The following SYNE1 variants were observed in gnomAD, a reference collection of about 807,000 sequenced individuals.
The protein encoded by SYNE1 is nesprin-1.
In SYNE1, 616 loss-of-function variants were observed where a neutral mutation model predicts 1,111.0. The observed-to-expected ratio is 0.55, with a 90% CI of 0.52 to 0.59. The LOEUF is 0.59. SYNE1 is among the 20% of genes least tolerant of loss of function. The probability of loss-of-function intolerance (pLI) is 0.00; values close to 1 mark genes in which losing one functional copy is unlikely to be tolerated. For missense variants in SYNE1, 10,006 were observed against 10,417.0 expected (o/e 0.96, Z 1.72); for synonymous variants, 3,855 against 3,825.8 (o/e 1.01, Z -0.28).
Position 152,278,225 on chromosome 6 carries a change from T to C in SYNE1, c.18437A>G (p.His6146Arg). Reference sequence around the variant, plus strand: ...GCCCTCCAGCAGCAGGTTCTCATTGTGGACTGACAGTTCTGATAAAGCCAC... The same window carrying C: ...GCCCTCCAGCAGCAGGTTCTCATTGCGGACTGACAGTTCTGATAAAGCCAC... ...KVVALSELSV[H>R]NENLLLEGKA... The change falls in exon 98 of 146, where the codon CAC becomes CGC. Residue 6146 changes from histidine to arginine, a missense_variant. By Grantham distance (29) the His-to-Arg change is conservative. Around this residue, in one of 7 missense-constraint regions of SYNE1, gnomAD observed 99 missense variants for 147.8 expected, o/e 0.67. Coordinates refer to ENST00000367255, the MANE Select transcript of SYNE1 (RefSeq NM_182961.4). 6.2e-7 allele frequency: 1 copy of C among 1,614,220 alleles called. No homozygotes were observed. Among genetic ancestry groups the C allele is most frequent in the Non-Finnish European group, 8.5e-7 (1 of 1,180,048 alleles).
chr6:152,133,332 C>A lies in SYNE1; in HGVS notation c.25945G>T (p.Val8649Phe), dbSNP rs768945531. ...GNRLKLLLKE[V>F]SRHIKELEKL... ...TCCAGTTCCTTGATATGACGACTGA[C>A]CTCCTTCAAGAGAAGTTTGAGCCGA... Residue 8649 changes from valine (V) to phenylalanine (F), a missense_variant, in exon 143 of 146, where the codon GTC (valine) becomes TTC (phenylalanine). Val to Phe is a conservative substitution (Grantham distance 50, BLOSUM62 -1). This residue lies in a region of SYNE1 where 761 missense variants were observed against 795.5 expected (regional missense o/e 0.96). Transcript: ENST00000367255. 1.2e-6 allele frequency: 2 copies of A among 1,614,198 alleles called. No individual in the cohort carries two copies. The highest frequency in any genetic ancestry group is 1.7e-5 in the Admixed American group (1 of 60,030).
intron 63 of SYNE1, 126 bp downstream of exon 63, chr6:152,364,721 G>GAAGGAAGT: frequency 9.2e-7 from 1 of 1,092,030 alleles, no homozygotes; most frequent in African/African-American, 1.6e-5. Flanking sequence ...AGGAAGGAAG[G>GAAGGAAGT]AAGGAAGGGA....
chr6:152,305,953 G>A (rs1401116538), intron 91 of SYNE1, among the ~76,000 whole-genome samples: 1 of 152,204 alleles, frequency 6.6e-6, no homozygotes, highest in Non-Finnish European at 1.5e-5. Flanking sequence ...TGCTGACTGA[G>A]CTGAGTTCAC....
intron 8 of SYNE1, among the ~76,000 whole-genome samples, chr6:152,507,127 G>C (rs960402671): frequency 1.3e-5 from 2 of 152,130 alleles, no homozygotes; most frequent in African/African-American, 4.8e-5. Context: ...CATGCAGGTT[G>C]AACAGTATGT....
At chr6:152,524,671 G>T (rs1234201381) in intron 5 of SYNE1, among the ~76,000 whole-genome samples, 1 of 152,226 alleles carries the variant, frequency 6.6e-6, no homozygotes, top group Admixed American at 6.5e-5. Flanking sequence ...AGCTTACTAG[G>T]GAGGTGATCC....
At chr6:152,251,763 A>T (rs1465291453) in intron 104 of SYNE1, among the ~76,000 whole-genome samples, 1 of 152,216 alleles carries the variant, frequency 6.6e-6, no homozygotes, top group African/African-American at 2.4e-5. Context: ...CGTCTCAAAA[A>T]AAATAAAAAT....
chr6:152,202,433 C>T (rs2075693802), intron 126 of SYNE1, among the ~76,000 whole-genome samples: 1 of 150,756 alleles, frequency 6.6e-6, no homozygotes, highest in Non-Finnish European at 1.5e-5. Context: ...ACACTCATTG[C>T]CAGGGGAGGC....
At chr6:152,560,443 G>A (rs540058578) in intron 3 of SYNE1, among the ~76,000 whole-genome samples, 428 of 152,030 alleles carry the variant, frequency 2.8e-3, no homozygotes, top group African/African-American at 9.4e-3. Flanking sequence ...GAAGTAGTAA[G>A]AAAAAATCTT....
intron 8 of SYNE1, 120 bp from the exon 9 acceptor site, chr6:152,505,517 C>T (rs931184580): frequency 1.3e-5 from 14 of 1,119,144 alleles, no homozygotes; most frequent in East Asian, 7.7e-5. Flanking sequence ...TGTATCAGTT[C>T]ATTGTATTTG....
chr6:152,180,249 C>A lies in SYNE1; in HGVS notation c.23347G>T (p.Ala7783Ser), dbSNP rs778312439. The A allele has an allele frequency of 1.2e-6, 2 of 1,613,974 alleles. No individual in the cohort carries two copies. The highest frequency in any genetic ancestry group is 1.1e-5 in the South Asian group (1 of 91,086). Residue 7783 changes from alanine to serine, a missense_variant, in exon 129 of 146, where the codon GCA becomes TCA. By Grantham distance (99) the Ala-to-Ser change is moderately conservative (BLOSUM62 1). Transcript: ENST00000367255. ...TCCTTGTTCTTTTCACTGAAGACTG[C>A]CCATTCATTCAATCTTTCACCTATT... ...QQIGERLNEW[A>S]VFSEKNKELC...
chr6:152,172,299 T>C (rs1305582190), intron 130 of SYNE1, among the ~76,000 whole-genome samples: 1 of 152,206 alleles, frequency 6.6e-6, no homozygotes, highest in Non-Finnish European at 1.5e-5. Context: ...CTAAAATCAC[T>C]GAATTACATG....
intron 74 of SYNE1, among the ~76,000 whole-genome samples, chr6:152,341,645 T>C (rs1047126173): frequency 6.6e-6 from 1 of 152,190 alleles, no homozygotes; most frequent in African/African-American, 2.4e-5. Context: ...CTTGGTACCA[T>C]GCCCATTGTA....
At position 152,207,987 on chromosome 6, in the gene SYNE1, G is replaced by A. The variant is rs34630198; in HGVS notation, c.22809C>T (p.Leu7603=). ...TGCATCTTACCTGCACTTCATCAAA[G>A]AGGGTCCTTGCTTGTTGCAGTGGTA... ...VPIPLQQART[L]FDEVQFKEKV... Residue 7603 remains leucine (L), a synonymous_variant, in exon 125 of 146, where the codon CTC becomes CTT. Transcript: ENST00000367255. 0.017 allele frequency: 26,724 copies of A among 1,614,156 alleles called. 301 individuals are homozygous for A. The highest frequency in any genetic ancestry group is 0.02 in the Non-Finnish European group (23,368 of 1,179,998).
At chr6:152,128,072 G>A (rs987384082) in intron 145 of SYNE1, 1 of 152,144 alleles carries the variant, frequency 6.6e-6, no homozygotes, top group Non-Finnish European at 1.5e-5. Flanking sequence ...TTATTCCTTT[G>A]CCTTGCTGGA....
intron 130 of SYNE1, among the ~76,000 whole-genome samples, chr6:152,169,336 G>A (rs894461621): frequency 6.6e-5 from 10 of 151,938 alleles, no homozygotes; most frequent in African/African-American, 2.4e-4. Context: ...GCTGAGGTTG[G>A]TGGATCACAA....
intron 3 of SYNE1, among the ~76,000 whole-genome samples, chr6:152,622,952 G>C (rs1431541049): frequency 6.6e-6 from 1 of 152,038 alleles, no homozygotes; most frequent in Non-Finnish European, 1.5e-5. Flanking sequence ...TTTCTAGTAA[G>C]AGCCATTCTG....
Position 152,458,838 on chromosome 6 carries a change from G to A in SYNE1, c.2487C>T (p.Asp829=), listed in dbSNP as rs753367709. 8.7e-6 allele frequency: 14 copies of A among 1,613,924 alleles called. No homozygotes were observed. The Admixed American group carries it at 2.3e-4, about 27-fold the overall frequency. ...TAATTTCATTGATTTTCCCAAGTGA[G>A]TCATAAAAGGACGTCATCTGCTTTT... The part of the protein sequence containing the change: ...ELEKQMTSFY[D]SLGKINEIIT... The change falls in exon 22 of 146, where the codon GAC becomes GAT. Residue 829 remains aspartate, a synonymous_variant. Coordinates refer to ENST00000367255, the MANE Select transcript of SYNE1 (RefSeq NM_182961.4).
At chr6:152,246,487 C>T (rs943040411) in intron 105 of SYNE1, among the ~76,000 whole-genome samples, 1 of 151,918 alleles carries the variant, frequency 6.6e-6, no homozygotes, top group Non-Finnish European at 1.5e-5. Flanking sequence ...AATGCCAATT[C>T]AGTACAAGAG....
chr6:152,353,245 T>G lies in SYNE1; in HGVS notation c.11253+18A>C, dbSNP rs754786661. The G allele has an allele frequency of 6.2e-7, 1 of 1,614,118 alleles. No homozygotes were observed. Among genetic ancestry groups the G allele is most frequent in the Non-Finnish European group, 8.5e-7 (1 of 1,179,982 alleles). ...TGAACGGAAAGGTTGGATACAAATC[T>G]GAAGTATGCGTGCCTACCTCCAACG... On this transcript the variant is annotated intron_variant, in intron 69 of 145. Transcript: ENST00000367255.
Sources: gnomAD v4.1 joint callset for allele counts (sites outside exome capture counted in the v4.1 genomes callset) on GRCh38, gnomAD v4.1.1 for gene constraint, gnomAD v4.1.1 regional missense constraint, MANE v1.5 for transcripts, NCBI Gene and HGNC (gene_info 2026-07-23, HGNC 2026-07-21) for gene names.